Variants in KIDINS220 observed in about 807,000 individuals in gnomAD.
The protein encoded by KIDINS220 is kinase D interacting substrate 220, also known as kinase D-interacting substrate of 220 kDa.
In KIDINS220, 63 loss-of-function variants were observed where a neutral mutation model predicts 157.6. That is an observed-to-expected ratio of 0.40 (90% CI 0.33 to 0.49). KIDINS220 has a LOEUF of 0.49. Among genes scored for constraint, KIDINS220 ranks in the 20% least tolerant of loss-of-function variants. The pLI is 0.66. For missense variants in KIDINS220, 1,772 were observed against 2,171.2 expected, an observed-to-expected ratio of 0.82 and a Z score of 3.65; for synonymous variants, 732 against 783.6, an observed-to-expected ratio of 0.93 and a Z score of 1.10.
Position 8,796,708 on chromosome 2 carries a change from C to G in KIDINS220, c.1098+63G>C, listed in dbSNP as rs914929208. 11 of 1,215,292 alleles carry G rather than the reference C, an allele frequency of 9.1e-6. No individual in the cohort carries two copies. The African/African-American group carries it at 1.6e-4, about 18-fold the overall frequency. The allele number at this position is 1,215,292 out of a possible 1,614,324, so 75.3% of individuals were successfully genotyped here. ...AAATCAGATCCCCATTAAATCCACT[C>G]CATATAGAGGTCAGTCGACCAACAG... On this transcript the variant is annotated intron_variant, in intron 11 of 29. Transcript: ENST00000256707.
intron 6 of KIDINS220, among the ~76,000 whole-genome samples, chr2:8,809,614 T>C (rs1459708453): frequency 4.0e-5 from 6 of 151,562 alleles, no homozygotes; most frequent in South Asian, 2.1e-4. Context: ...GAATCACCTC[T>C]AGGCAAGCCC....
intron 24 of KIDINS220, 53 bp from the exon 25 acceptor site, chr2:8,748,053 G>A (rs1312715168): frequency 1.9e-6 from 2 of 1,039,054 alleles, no homozygotes; most frequent in African/African-American, 1.7e-5. Context: ...AAATGAAAGT[G>A]TAATGAGATT....
At chr2:8,783,219 C>A in intron 17 of KIDINS220, among the ~76,000 whole-genome samples, 3 of 145,270 alleles carry the variant, frequency 2.1e-5, no homozygotes, top group African/African-American at 2.5e-5. Flanking sequence ...AAGAAACAGG[C>A]TAAAGAAGAA....
At position 8,744,385 on chromosome 2, in the gene KIDINS220, AAAAATATATATATATAATATATATAT is replaced by A. The variant is rs1666178738; in HGVS notation, c.3585+2734_3585+2759del. Among the ~76,000 whole-genome samples the A allele has an allele frequency of 5.3e-4, 15 of 28,044 alleles. 1 individual carries two copies. In the South Asian group the frequency reaches 0.01, roughly 20 times the overall value. 18.4% of individuals were successfully genotyped at this position (28,044 alleles called of 152,430 possible). ...TGGCAAAAAAAAAAAAAAAAAAAAA[AAAAATATATATATATAATATATATAT>A]ATATATATATATATATATATATATA... On this transcript the variant is annotated intron_variant, in intron 26 of 29. Coordinates refer to ENST00000256707, the MANE Select transcript of KIDINS220 (RefSeq NM_020738.4).
At chr2:8,743,624 C>T (rs1025755695) in intron 26 of KIDINS220, among the ~76,000 whole-genome samples, 2 of 152,212 alleles carry the variant, frequency 1.3e-5, no homozygotes, top group South Asian at 2.1e-4. Flanking sequence ...GGCAGAGCCA[C>T]CAGCATGGTG....
intron 10 of KIDINS220, among the ~76,000 whole-genome samples, chr2:8,797,501 C>T (rs1469260084): frequency 6.6e-6 from 1 of 152,118 alleles, no homozygotes; most frequent in Non-Finnish European, 1.5e-5. Flanking sequence ...CACCTGCAAA[C>T]CAGAAGGTAT....
intron 14 of KIDINS220, 112 bp from the exon 15 acceptor site, chr2:8,788,924 G>C: frequency 1.2e-6 from 1 of 855,620 alleles, no homozygotes; most frequent in South Asian, 1.7e-5. Flanking sequence ...GCTTCCTATG[G>C]TCCCATACTA....
At chr2:8,737,544 T>C (rs1043789874) in intron 26 of KIDINS220, among the ~76,000 whole-genome samples, 1 of 152,254 alleles carries the variant, frequency 6.6e-6, no homozygotes, top group Non-Finnish European at 1.5e-5. Flanking sequence ...AAACTTCCTT[T>C]AGCATCTGTT....
chr2:8,800,359 A>G, intron 9 of KIDINS220, 41 bp downstream of exon 9: 1 of 1,296,152 alleles, frequency 7.7e-7, no homozygotes, highest in Non-Finnish European at 1.1e-6. Flanking sequence ...CTTACATGCA[A>G]TTATACTCTA....
chr2:8,792,072 T>C (rs1278209527), intron 12 of KIDINS220, among the ~76,000 whole-genome samples: 1 of 152,088 alleles, frequency 6.6e-6, no homozygotes, highest in Non-Finnish European at 1.5e-5. Flanking sequence ...AAAAATTAAA[T>C]TAAAATGCTA....
intron 20 of KIDINS220, among the ~76,000 whole-genome samples, chr2:8,777,643 C>T (rs977748151): frequency 6.6e-6 from 1 of 152,124 alleles, no homozygotes; most frequent in Non-Finnish European, 1.5e-5. Flanking sequence ...TAAGGGACAG[C>T]CTCTCTAACT....
At chr2:8,827,571 T>C (rs943668324) in intron 1 of KIDINS220, among the ~76,000 whole-genome samples, 7 of 152,214 alleles carry the variant, frequency 4.6e-5, no homozygotes, top group African/African-American at 1.7e-4. Flanking sequence ...TGACTACTAC[T>C]CACCACTTCA....
downstream of KIDINS220, among the ~76,000 whole-genome samples, chr2:8,727,896 G>T (rs941471045): frequency 6.6e-6 from 1 of 152,204 alleles, no homozygotes; most frequent in East Asian, 1.9e-4. Flanking sequence ...AACTGAAAGA[G>T]AAAAACAGCT....
chr2:8,733,542 A>G lies in KIDINS220; in HGVS notation c.3955T>C (p.Ser1319Pro), dbSNP rs1310173085. Residue 1319 changes from serine to proline, a missense_variant, in exon 29 of 30, where the codon TCC (serine) becomes CCC (proline). This residue lies in a region of KIDINS220 where 793 missense variants were observed against 885.5 expected (regional missense o/e 0.90). Coordinates refer to ENST00000256707, the MANE Select transcript of KIDINS220 (RefSeq NM_020738.4). The part of the protein sequence containing the change: ...SHNELPHTEL[S>P]SQTPYTLNFS... Reference sequence around the variant, plus strand: ...TTGAGTGTGTAGGGCGTCTGGCTGGAGAGCTCGGTGTGAGGCAGCTCGTTG... The same window carrying G: ...TTGAGTGTGTAGGGCGTCTGGCTGGGGAGCTCGGTGTGAGGCAGCTCGTTG... 10 of 1,613,970 alleles carry G rather than the reference A, an allele frequency of 6.2e-6. No homozygotes were observed. Among genetic ancestry groups the G allele is most frequent in the African/African-American group, 1.3e-5 (1 of 74,912 alleles).
intron 15 of KIDINS220, among the ~76,000 whole-genome samples, chr2:8,788,330 G>A (rs552218175): frequency 2.5e-3 from 375 of 151,380 alleles, no homozygotes; most frequent in African/African-American, 8.8e-3. Context: ...GTGCAATGGC[G>A]CGATCCTGGC....
At position 8,806,484 on chromosome 2, in the gene KIDINS220, T is replaced by C. The variant is rs921337662; in HGVS notation, c.505-115A>G. On this transcript the variant is annotated intron_variant, in intron 6 of 29. Transcript: ENST00000256707. ...TTTTTATCATTCTCATAAAACTGTA[T>C]ACATTTATCGTAATTGTAATCTTAG... The C allele has an allele frequency of 1.4e-5, 9 of 623,068 alleles. No homozygotes were observed. The South Asian group carries it at 2.0e-4, about 14-fold the overall frequency. The allele number at this position is 623,068 out of a possible 1,614,324, so 38.6% of individuals were successfully genotyped here. A position where few individuals can be genotyped will look rare whatever the true frequency, so the allele number is the denominator to read the frequency against.
chr2:8,825,445 T>A (rs536100496), intron 2 of KIDINS220, among the ~76,000 whole-genome samples: 3 of 150,768 alleles, frequency 2.0e-5, no homozygotes, highest in African/African-American at 7.3e-5. Flanking sequence ...CTAAACTGTA[T>A]CCTTAAAAAT....
At position 8,757,789 on chromosome 2, in the gene KIDINS220, T is replaced by C. The variant is rs767515005; in HGVS notation, c.3012-6145A>G. ...TCACAACTGTCTGCTCCACAGCATCTGTGTTTGAATAATAACATCTTCAGT... is the reference window on the plus strand; with the variant it reads ...TCACAACTGTCTGCTCCACAGCATCCGTGTTTGAATAATAACATCTTCAGT... On this transcript the variant is annotated intron_variant, in intron 22 of 29. Transcript: ENST00000256707. 247 of 1,606,174 alleles carry C rather than the reference T, an allele frequency of 1.5e-4. 1 individual carries two copies. Among genetic ancestry groups the C allele is most frequent in the Non-Finnish European group, 2.0e-4 (237 of 1,176,678 alleles).
Position 8,729,686 on chromosome 2 carries a change from A to G in KIDINS220, c.*1034T>C. 1 of 985,092 alleles carries G rather than the reference A, an allele frequency of 1.0e-6. No individual in the cohort carries two copies. The highest frequency in any genetic ancestry group is 1.2e-6 in the Non-Finnish European group (1 of 829,626). The allele number at this position is 985,092 out of a possible 1,614,324, so 61.0% of individuals were successfully genotyped here. On this transcript the variant is annotated 3_prime_UTR_variant, in exon 30 of 30. Transcript: ENST00000256707. Reference sequence around the variant, plus strand: ...ATCCTTCCCCAGAACTAACATGCTGACTTAGGAACAGATGAAGTAGATAAA... The same window carrying G: ...ATCCTTCCCCAGAACTAACATGCTGGCTTAGGAACAGATGAAGTAGATAAA...
Sources: gnomAD v4.1 joint callset for allele counts (sites outside exome capture counted in the v4.1 genomes callset) on GRCh38, gnomAD v4.1.1 for gene constraint, gnomAD v4.1.1 regional missense constraint, MANE v1.5 for transcripts, NCBI Gene and HGNC (gene_info 2026-07-23, HGNC 2026-07-21) for gene names.